ZNF277: variants seen among roughly 807,000 people sequenced by gnomAD.
The protein encoded by ZNF277 is zinc finger protein 277.
A neutral mutation model predicts 60.7 loss-of-function variants in ZNF277; 55 were observed. The ratio of observed to expected loss-of-function variants is 0.91; its 90% confidence interval spans 0.73 to 1.13. The LOEUF is 1.13. Among genes scored for constraint, ZNF277 ranks in the 50% most tolerant of loss-of-function variants. The probability of loss-of-function intolerance (pLI) is 0.00; values close to 1 mark genes in which losing one functional copy is unlikely to be tolerated. For missense variants in ZNF277, 510 were observed against 523.0 expected (o/e 0.98, Z 0.24); for synonymous variants, 178 against 179.3 (o/e 0.99, Z 0.06).
chr7:112,305,646 C>T (rs1301789336), intron 4 of ZNF277, among the ~76,000 whole-genome samples: 1 of 151,822 alleles, frequency 6.6e-6, no homozygotes, highest in Admixed American at 6.6e-5. Context: ...ATTGAAGTAT[C>T]CAAGTCAACT....
chr7:112,319,038 C>T (rs1028120538), intron 5 of ZNF277, among the ~76,000 whole-genome samples: 4 of 152,046 alleles, frequency 2.6e-5, no homozygotes, highest in African/African-American at 4.8e-5. Context: ...TTTCTGAATC[C>T]TCTTCCCAAG....
intron 9 of ZNF277, among the ~76,000 whole-genome samples, chr7:112,338,637 TA>T (rs139010496): frequency 0.012 from 1,859 of 152,306 alleles, 39 homozygotes; most frequent in African/African-American, 0.042. Context: ...TTTAGTAAAA[TA>T]AGGGCCTAGA....
chr7:112,212,072 A>T (rs1208437425), intron 1 of ZNF277, among the ~76,000 whole-genome samples: 1 of 152,240 alleles, frequency 6.6e-6, no homozygotes, highest in Admixed American at 6.5e-5. Flanking sequence ...AAATATCAGG[A>T]GGATGATATT....
At chr7:112,335,446 G>A (rs1055542859) in intron 7 of ZNF277, among the ~76,000 whole-genome samples, 3 of 152,100 alleles carry the variant, frequency 2.0e-5, no homozygotes, top group Non-Finnish European at 4.4e-5. Flanking sequence ...TTTTGCTAAC[G>A]CTGTGACTAG....
At chr7:112,212,591 A>G (rs553780294) in intron 1 of ZNF277, among the ~76,000 whole-genome samples, 1 of 152,310 alleles carries the variant, frequency 6.6e-6, no homozygotes, top group Admixed American at 6.5e-5. Flanking sequence ...GATAGGCCCA[A>G]TTATAAAGAT....
chr7:112,226,362 A>G (rs1822175912), intron 1 of ZNF277, among the ~76,000 whole-genome samples: 1 of 152,194 alleles, frequency 6.6e-6, no homozygotes, highest in Non-Finnish European at 1.5e-5. Flanking sequence ...CATTTTCTCC[A>G]TTATATACAA....
At position 112,336,323 on chromosome 7, in the gene ZNF277, G is replaced by C. The variant is rs1342501650; in HGVS notation, c.869+152G>C. 5.4e-6 allele frequency: 3 copies of C among 557,662 alleles called. No homozygotes were observed. The African/African-American group carries it at 5.9e-5, about 11-fold the overall frequency. 34.5% of individuals were successfully genotyped at this position (557,662 alleles called of 1,614,324 possible). A position where few individuals can be genotyped will look rare whatever the true frequency, so the allele number is the denominator to read the frequency against. ...CCTTCATGTAATGTGGCAAAAACTTGAATTCAAAATAACTTTGACATAAAA... is the reference window on the plus strand; with the variant it reads ...CCTTCATGTAATGTGGCAAAAACTTCAATTCAAAATAACTTTGACATAAAA... On this transcript the variant is annotated intron_variant, in intron 8 of 11. Transcript: ENST00000361822.
chr7:112,252,668 T>C (rs1419788659), intron 1 of ZNF277, among the ~76,000 whole-genome samples: 2 of 152,128 alleles, frequency 1.3e-5, no homozygotes, highest in Admixed American at 6.6e-5. Context: ...ACTAAACATC[T>C]GATAGCTCCC....
intron 1 of ZNF277, among the ~76,000 whole-genome samples, chr7:112,265,759 T>C (rs999499599): frequency 1.3e-5 from 2 of 152,214 alleles, no homozygotes; most frequent in African/African-American, 4.8e-5. Context: ...GCTTGAAAGT[T>C]TTACAGTGAA....
intron 1 of ZNF277, among the ~76,000 whole-genome samples, chr7:112,283,263 A>C (rs11767115): frequency 0.23 from 34,924 of 152,178 alleles, 5,017 homozygotes; most frequent in African/African-American, 0.41. Flanking sequence ...TGCCGTGGCT[A>C]ACGCCTATAA....
intron 4 of ZNF277, among the ~76,000 whole-genome samples, chr7:112,307,832 TC>T (rs1313800800): frequency 6.6e-6 from 1 of 151,942 alleles, no homozygotes; most frequent in Admixed American, 6.6e-5. Flanking sequence ...TGCTTTTTTT[TC>T]CATTTTATAG....
chr7:112,286,448 G>A (rs78451118), intron 1 of ZNF277, among the ~76,000 whole-genome samples: 17,423 of 152,192 alleles, frequency 0.11, 1,127 homozygotes, highest in Non-Finnish European at 0.15. Context: ...ATCATCTGTC[G>A]CCTTAATGTA....
chr7:112,301,403 C>A (rs778989212), intron 4 of ZNF277, among the ~76,000 whole-genome samples: 28 of 152,134 alleles, frequency 1.8e-4, no homozygotes, highest in Admixed American at 8.5e-4. Context: ...CCCTAAATTG[C>A]CCAGCATCCA....
intron 1 of ZNF277, among the ~76,000 whole-genome samples, chr7:112,276,148 G>C (rs1791788643): frequency 6.6e-6 from 1 of 152,182 alleles, no homozygotes; most frequent in Non-Finnish European, 1.5e-5. Context: ...GAGTTTTCTA[G>C]ACAAAAAGAA....
chr7:112,211,517 G>A (rs1179094490), intron 1 of ZNF277, among the ~76,000 whole-genome samples: 1 of 152,206 alleles, frequency 6.6e-6, no homozygotes, highest in African/African-American at 2.4e-5. Context: ...CATTGTTAAT[G>A]TTTAATAAGT....
At chr7:112,279,713 A>G (rs1563213795) in intron 1 of ZNF277, among the ~76,000 whole-genome samples, 2 of 152,212 alleles carry the variant, frequency 1.3e-5, no homozygotes, top group East Asian at 1.9e-4. Flanking sequence ...CAGTCAATTC[A>G]CACGTATTTT....
chr7:112,287,168 G>A (rs566817972), intron 2 of ZNF277, 94 bp downstream of exon 2: 4 of 1,336,460 alleles, frequency 3.0e-6, no homozygotes, highest in Non-Finnish European at 4.2e-6. Flanking sequence ...CAAAGTGGGA[G>A]GATCACCCGA....
chr7:112,287,287 G>T, intron 2 of ZNF277: 1 of 554,364 alleles, frequency 1.8e-6, no homozygotes, highest in Non-Finnish European at 3.2e-6. Flanking sequence ...AGGCAGGAGG[G>T]CTGCTTGCAC....
At chr7:112,227,690 C>T (rs1258613938) in intron 1 of ZNF277, among the ~76,000 whole-genome samples, 1 of 151,932 alleles carries the variant, frequency 6.6e-6, no homozygotes, top group Non-Finnish European at 1.5e-5. Context: ...AATATTGTAA[C>T]CCTCATTATA....
Sources: gnomAD v4.1 joint callset for allele counts (sites outside exome capture counted in the v4.1 genomes callset) on GRCh38, gnomAD v4.1.1 for gene constraint, MANE v1.5 for transcripts, NCBI Gene and HGNC (gene_info 2026-07-23, HGNC 2026-07-21) for gene names.